The following ERBB3 variants were observed in gnomAD, a reference collection of about 807,000 sequenced individuals.
ERBB3 encodes erb-b2 receptor tyrosine kinase 3.
ERBB3 carries 96 observed loss-of-function variants against 156.7 expected under a neutral mutation model. The observed-to-expected ratio is 0.61, with a 90% confidence interval of 0.52 to 0.73. The LOEUF (loss-of-function observed/expected upper bound fraction) is 0.73, where lower values mean the gene tolerates loss of function less well. ERBB3 is among the 30% of genes least tolerant of loss of function. ERBB3 has a pLI of 0.00. For missense variants in ERBB3, 1,406 were observed against 1,709.4 expected, an observed-to-expected ratio of 0.82 and a Z score of 3.13; for synonymous variants, 567 against 632.0, an observed-to-expected ratio of 0.90 and a Z score of 1.54.
chr12:56,091,324 T>TTACAAATATATATTATAA (rs1565858589), intron 9 of ERBB3, among the ~76,000 whole-genome samples: 2,119 of 23,238 alleles, frequency 0.091, 361 homozygotes, highest in Middle Eastern at 0.12. Flanking sequence ...TAAATATATA[T>TTACAAATATATATTATAA]ATATAAATAA....
intron 1 of ERBB3, 73 bp downstream of exon 1, chr12:56,080,455 A>AT: frequency 8.0e-7 from 1 of 1,253,520 alleles, no homozygotes; most frequent in South Asian, 1.3e-5. Context: ...CTCGGAGGGT[A>AT]TGGGCACGGT....
chr12:56,086,406 T>C, intron 3 of ERBB3, 125 bp from the exon 4 acceptor site: 2 of 1,155,886 alleles, frequency 1.7e-6, no homozygotes, highest in Non-Finnish European at 2.6e-6. Context: ...TAGATTTAAT[T>C]GGACCTATCT....
intron 9 of ERBB3, among the ~76,000 whole-genome samples, chr12:56,089,993 C>CTT (rs758073549): frequency 2.2e-5 from 3 of 138,112 alleles, no homozygotes; most frequent in Admixed American, 7.3e-5. Context: ...TCCCCATATA[C>CTT]TTTTTTTTTT....
At position 56,085,063 on chromosome 12, in the gene ERBB3, C is replaced by A; in HGVS notation, c.303C>A (p.Asn101Lys). 6.2e-7 allele frequency: 1 copy of A among 1,614,138 alleles called. No individual in the cohort carries two copies. ...MNEFSTLPLP[N>K]LRVVRGTQVY... ...AATTCTCTACTCTACCATTGCCCAA[C>A]CTCCGCGTGGTGCGAGGGACCCAGG... The change falls in exon 3 of 28, where the codon AAC (asparagine) becomes AAA (lysine). Residue 101 changes from asparagine (N) to lysine (K), a missense_variant. This residue lies in a region of ERBB3 where 979 missense variants were observed against 1,219.6 expected (regional missense o/e 0.80). Coordinates refer to ENST00000267101, the MANE Select transcript of ERBB3 (RefSeq NM_001982.4).
chr12:56,095,165 T>C, intron 15 of ERBB3, 92 bp from the exon 16 acceptor site: 1 of 1,001,916 alleles, frequency 1.0e-6, no homozygotes, highest in Admixed American at 1.7e-5. Flanking sequence ...GATGCCACGG[T>C]AAGTTCTGAA....
At chr12:56,091,316 AAT>A (rs1270508286) in intron 9 of ERBB3, among the ~76,000 whole-genome samples, 3 of 29,300 alleles carry the variant, frequency 1.0e-4, no homozygotes, top group African/African-American at 4.1e-4. Context: ...TATAAATATA[AAT>A]ATATATATAT....
At position 56,099,657 on chromosome 12, in the gene ERBB3, T is replaced by C. The variant is rs540444132; in HGVS notation, c.2849T>C (p.Ile950Thr). ...TACATCTTATCTCCAGGTTGGATGA[T>C]TGATGAGAACATTCGCCCAACCTTT... ...VYMVMVKCWM[I>T]DENIRPTFKE... is the part of the protein sequence containing the mutation. Residue 950 changes from isoleucine to threonine, a missense_variant, in exon 24 of 28, where the codon ATT (isoleucine) becomes ACT (threonine). Around this residue, in one of 3 missense-constraint regions of ERBB3, gnomAD observed 979 missense variants for 1,219.6 expected, o/e 0.80. Transcript: ENST00000267101. The C allele has an allele frequency of 1.6e-5, 26 of 1,613,878 alleles. 1 individual carries two copies. The Admixed American group carries it at 2.3e-4, about 14-fold the overall frequency.
chr12:56,095,177 C>G (rs1212278717), intron 15 of ERBB3, 80 bp from the exon 16 acceptor site: 3 of 1,131,782 alleles, frequency 2.7e-6, no homozygotes, highest in Non-Finnish European at 2.7e-6. Context: ...AGTTCTGAAA[C>G]AAGCTTTTAT....
chr12:56,098,945 CTTTTTT>C, intron 23 of ERBB3, 40 bp downstream of exon 23: 1 of 1,411,794 alleles, frequency 7.1e-7, no homozygotes, highest in South Asian at 1.3e-5. Flanking sequence ...CTCTTTTTTT[CTTTTTT>C]TTTCTTTTTT....
At position 56,085,133 on chromosome 12, in the gene ERBB3, A is replaced by G; in HGVS notation, c.373A>G (p.Thr125Ala). 6.2e-7 allele frequency: 1 copy of G among 1,613,956 alleles called. No individual in the cohort carries two copies. Among genetic ancestry groups the G allele is most frequent in the South Asian group, 1.1e-5 (1 of 91,080 alleles). The change falls in exon 3 of 28, where the codon ACC becomes GCC. Residue 125 changes from threonine to alanine, a missense_variant. Coordinates refer to ENST00000267101, the MANE Select transcript of ERBB3 (RefSeq NM_001982.4). ...CATCTTCGTCATGTTGAACTATAAC[A>G]CCAACTCCAGCCACGCTCTGCGCCA... ...FAIFVMLNYNTNSSHALRQLR... is the reference protein window; with the variant it reads ...FAIFVMLNYNANSSHALRQLR...
In ERBB3 at chr12:56,080,443, G is replaced by C. The variant is rs879153928; in HGVS notation, c.82+61G>C. 2.7e-5 allele frequency: 37 copies of C among 1,350,730 alleles called. No homozygotes were observed. The South Asian group carries it at 4.1e-4, about 15-fold the overall frequency. 83.7% of individuals were successfully genotyped at this position (1,350,730 alleles called of 1,614,324 possible). A position where few individuals can be genotyped will look rare whatever the true frequency, so the allele number is the denominator to read the frequency against. ...TGGGAGCCGGAACCCAGTGCGCGCAGCCTCGGAGGGTATGGGCACGGTCTC... is the reference window on the plus strand; with the variant it reads ...TGGGAGCCGGAACCCAGTGCGCGCACCCTCGGAGGGTATGGGCACGGTCTC... On this transcript the variant is annotated intron_variant, in intron 1 of 27. Transcript: ENST00000267101.
Position 56,087,568 on chromosome 12 carries a change from C to A in ERBB3, c.548-9C>A. On this transcript the variant is annotated splice_polypyrimidine_tract_variant and intron_variant, in intron 4 of 27. Transcript: ENST00000267101. ...GATGGCCCCTTGTGTTGCCTTCCTTCCCAACCAGGTCCCCCCTGTCATGAG... is the reference window on the plus strand; with the variant it reads ...GATGGCCCCTTGTGTTGCCTTCCTTACCAACCAGGTCCCCCCTGTCATGAG... 1 of 1,613,754 alleles carries A rather than the reference C, an allele frequency of 6.2e-7. No homozygotes were observed. The highest frequency in any genetic ancestry group is 8.5e-7 in the Non-Finnish European group (1 of 1,179,638).
Position 56,097,859 on chromosome 12 carries a change from C to T in ERBB3, c.2535C>T (p.Pro845=), listed in dbSNP as rs1373987846. 1.2e-6 allele frequency: 2 copies of T among 1,613,978 alleles called. No homozygotes were observed. Among genetic ancestry groups the T allele is most frequent in the South Asian group, 2.2e-5 (2 of 91,068 alleles). The change falls in exon 21 of 28, where the codon CCC becomes CCT. Residue 845 remains proline (P), a synonymous_variant. Coordinates refer to ENST00000267101, the MANE Select transcript of ERBB3 (RefSeq NM_001982.4). ...LAARNVLLKS[P]SQVQVADFGV... ...CCCGAAACGTGCTACTCAAGTCACC[C>T]AGTCAGGTTCAGGTGGCAGATTTTG... is the stretch of plus-strand genomic sequence containing the variant.
chr12:56,088,323 C>T (rs180672570), intron 7 of ERBB3, among the ~76,000 whole-genome samples, 161 bp downstream of exon 7: 123 of 152,316 alleles, frequency 8.1e-4, no homozygotes, highest in Non-Finnish European at 1.4e-3. Context: ...ACGTCCAGTC[C>T]TCCCATGACT....
rs1868335456 is a variant in ERBB3, at chr12:56,080,185, CCGT to C, written c.-113_-111del. ...CGATTGCAATTTGCAACCTCCGCTG[CCGT>C]CGCCGCAGCAGCCACCAATTCGCCA... On this transcript the variant is annotated 5_prime_UTR_variant, in exon 1 of 28. Coordinates refer to ENST00000267101, the MANE Select transcript of ERBB3 (RefSeq NM_001982.4). 8.6e-6 allele frequency: 7 copies of C among 815,110 alleles called. No homozygotes were observed. In the East Asian group the frequency reaches 1.9e-4, roughly 22 times the overall value. 50.5% of individuals were successfully genotyped at this position (815,110 alleles called of 1,614,324 possible). A position where few individuals can be genotyped will look rare whatever the true frequency, so the allele number is the denominator to read the frequency against.
chr12:56,100,999 C>G, intron 26 of ERBB3, 62 bp from the exon 27 acceptor site: 32 of 769,942 alleles, frequency 4.2e-5, no homozygotes, highest in African/African-American at 7.3e-5. Context: ...CTAAACAAAT[C>G]TCTCTTCTTT....
upstream of ERBB3, chr12:56,080,135 C>T (rs1868333772): frequency 3.0e-6 from 2 of 664,740 alleles, no homozygotes; most frequent in East Asian, 5.4e-5. Context: ...CCCTGCCATC[C>T]CTCCCCGGAC....
At chr12:56,096,227 C>G in intron 17 of ERBB3, 1 of 550,340 alleles carries the variant, frequency 1.8e-6, no homozygotes. Context: ...GGTAATAGTA[C>G]TACCAACTCT....
At chr12:56,084,907 A>T in intron 2 of ERBB3, 88 bp from the exon 3 acceptor site, 1 of 1,599,296 alleles carries the variant, frequency 6.3e-7, no homozygotes, top group Non-Finnish European at 8.5e-7. Context: ...AAAACAGTTA[A>T]AGAGTCTTTA....
Sources: gnomAD v4.1 joint callset for allele counts (sites outside exome capture counted in the v4.1 genomes callset) on GRCh38, gnomAD v4.1.1 for gene constraint, gnomAD v4.1.1 regional missense constraint, MANE v1.5 for transcripts, NCBI Gene and HGNC (gene_info 2026-07-23, HGNC 2026-07-21) for gene names.